CADM2: variants seen among roughly 807,000 people sequenced by gnomAD.
CADM2 encodes immunoglobulin superfamily member 4D.
CADM2 carries 12 observed loss-of-function variants against 49.8 expected under a neutral mutation model. The ratio of observed to expected loss-of-function variants is 0.24; its 90% confidence interval spans 0.15 to 0.39. The LOEUF is 0.39. CADM2 is among the 10% of genes least tolerant of loss of function. The probability of loss-of-function intolerance (pLI) is 1.00; values close to 1 mark genes in which losing one functional copy is unlikely to be tolerated. For synonymous variants in CADM2, 214 were observed against 175.4 expected (o/e 1.22, Z -1.74); for missense variants, 378 against 492.3 (o/e 0.77, Z 2.20).
chr3:85,199,370 TGA>T (rs59939815), intron 1 of CADM2, among the ~76,000 whole-genome samples: 55 of 139,964 alleles, frequency 3.9e-4, no homozygotes, highest in Admixed American at 7.8e-4. Flanking sequence ...TGTGTGTGTA[TGA>T]GAGAGAGAGA....
intron 1 of CADM2, among the ~76,000 whole-genome samples, chr3:85,642,446 CCT>C (rs2064752887): frequency 1.3e-5 from 2 of 151,470 alleles, no homozygotes; most frequent in African/African-American, 4.9e-5. Flanking sequence ...AAAATATTAA[CCT>C]CATAGCAAGG....
At chr3:85,319,349 T>G (rs1318057058) in intron 1 of CADM2, among the ~76,000 whole-genome samples, 1 of 152,032 alleles carries the variant, frequency 6.6e-6, no homozygotes, top group African/African-American at 2.4e-5. Flanking sequence ...TTGGTAGGAG[T>G]ATAAATTAGC....
At chr3:85,605,556 C>G (rs992609001) in intron 1 of CADM2, among the ~76,000 whole-genome samples, 13 of 152,002 alleles carry the variant, frequency 8.6e-5, no homozygotes, top group Non-Finnish European at 2.9e-5. Flanking sequence ...AAATTAGAAT[C>G]CAGACCTCCA....
intron 3 of CADM2, among the ~76,000 whole-genome samples, chr3:85,843,601 A>G (rs915963609): frequency 1.3e-5 from 2 of 152,126 alleles, no homozygotes; most frequent in Non-Finnish European, 2.9e-5. Context: ...TTCAATAGTA[A>G]TAAATATCTA....
chr3:85,384,203 T>C (rs2034073438), intron 1 of CADM2, among the ~76,000 whole-genome samples: 1 of 150,264 alleles, frequency 6.7e-6, no homozygotes, highest in African/African-American at 2.5e-5. Context: ...CATTGTTATA[T>C]ATTTTTTGCT....
At chr3:85,615,428 G>A (rs1331175071) in intron 1 of CADM2, among the ~76,000 whole-genome samples, 1 of 151,530 alleles carries the variant, frequency 6.6e-6, no homozygotes. Context: ...ATCCAACATG[G>A]GTTTAAAACA....
At chr3:85,733,873 G>T (rs1044399887) in intron 2 of CADM2, among the ~76,000 whole-genome samples, 2 of 151,964 alleles carry the variant, frequency 1.3e-5, no homozygotes, top group African/African-American at 2.4e-5. Context: ...TAATAAAATT[G>T]GTATTTGCTT....
At chr3:85,167,036 A>G (rs922240673) in intron 1 of CADM2, among the ~76,000 whole-genome samples, 1 of 152,084 alleles carries the variant, frequency 6.6e-6, no homozygotes, top group Admixed American at 6.6e-5. Flanking sequence ...GTCCTAAGAA[A>G]TAGAGATTGC....
chr3:85,961,317 T>C, intron 7 of CADM2, 152 bp from the exon 8 acceptor site: 1 of 536,772 alleles, frequency 1.9e-6, no homozygotes, highest in Non-Finnish European at 3.2e-6. Context: ...CTCTTTTGAG[T>C]GAGTGTGTGA....
chr3:85,412,102 T>C (rs2035682307), intron 1 of CADM2, among the ~76,000 whole-genome samples: 1 of 152,172 alleles, frequency 6.6e-6, no homozygotes, highest in Admixed American at 6.5e-5. Flanking sequence ...AGTTATGGGA[T>C]TAAAGGAGTG....
chr3:85,063,876 T>TA (rs1217770129), intron 1 of CADM2, among the ~76,000 whole-genome samples: 1 of 152,092 alleles, frequency 6.6e-6, no homozygotes, highest in East Asian at 1.9e-4. Flanking sequence ...CAGCTCACTC[T>TA]AACGCATTAG....
chr3:85,952,436 T>A (rs1308273848), intron 7 of CADM2, among the ~76,000 whole-genome samples: 1 of 151,038 alleles, frequency 6.6e-6, no homozygotes, highest in Non-Finnish European at 1.5e-5. Flanking sequence ...TCTGCCCTCT[T>A]CCCTGATTTC....
At chr3:85,459,432 T>C (rs1368739) in intron 1 of CADM2, among the ~76,000 whole-genome samples, 37,545 of 152,002 alleles carry the variant, frequency 0.25, 4,813 homozygotes, top group South Asian at 0.34. Context: ...CTAGCCTCTA[T>C]CCTGGGTGAT....
chr3:85,132,181 AG>A (rs2039253635), intron 1 of CADM2, among the ~76,000 whole-genome samples: 1 of 152,224 alleles, frequency 6.6e-6, no homozygotes, highest in Non-Finnish European at 1.5e-5. Flanking sequence ...CAGTTAAAAA[AG>A]GTTGATCTTC....
At chr3:85,974,820 G>A (rs1251542741) in intron 8 of CADM2, among the ~76,000 whole-genome samples, 1 of 151,498 alleles carries the variant, frequency 6.6e-6, no homozygotes, top group Non-Finnish European at 1.5e-5. Context: ...TGATTTAGGG[G>A]TTCTGTCTGT....
At chr3:85,804,788 C>G (rs1369050842) in intron 3 of CADM2, among the ~76,000 whole-genome samples, 16 of 152,086 alleles carry the variant, frequency 1.1e-4, no homozygotes, top group Non-Finnish European at 2.9e-5. Flanking sequence ...TTTGCAAAGA[C>G]TTGAATATAA....
intron 1 of CADM2, among the ~76,000 whole-genome samples, chr3:85,395,068 A>G (rs1272456825): frequency 6.6e-6 from 1 of 152,022 alleles, no homozygotes; most frequent in South Asian, 2.1e-4. Flanking sequence ...GGGAAACACA[A>G]CAACCCAAAT....
At chr3:85,782,265 A>G (rs2070697017) in intron 2 of CADM2, among the ~76,000 whole-genome samples, 1 of 152,216 alleles carries the variant, frequency 6.6e-6, no homozygotes, top group Non-Finnish European at 1.5e-5. Flanking sequence ...AAATTAACAA[A>G]CATTATATGA....
At chr3:85,425,968 G>A (rs1307576158) in intron 1 of CADM2, among the ~76,000 whole-genome samples, 2 of 152,038 alleles carry the variant, frequency 1.3e-5, no homozygotes, top group Admixed American at 1.3e-4. Flanking sequence ...TGAGAAAATG[G>A]GAATAAGAGC....
Sources: allele counts gnomAD v4.1 joint callset (sites outside exome capture counted in the v4.1 genomes callset), GRCh38; gene constraint gnomAD v4.1.1; transcripts MANE v1.5; gene names NCBI Gene and HGNC (gene_info 2026-07-23, HGNC 2026-07-21).